HOXB3: variants seen among roughly 807,000 people sequenced by gnomAD.
The protein encoded by HOXB3 is homeobox B3.
HOXB3 carries 17 observed loss-of-function variants against 29.2 expected under a neutral mutation model. The ratio of observed to expected loss-of-function variants is 0.58; its 90% CI spans 0.40 to 0.87. The LOEUF is 0.87. Among genes scored for constraint, HOXB3 ranks in the 40% least tolerant of loss-of-function variants. The pLI, the probability that HOXB3 is intolerant of heterozygous loss-of-function variation, is 0.00. For synonymous variants in HOXB3, 317 were observed against 285.9 expected, an observed-to-expected ratio of 1.11 and a Z score of -1.10; for missense variants, 637 against 616.3, an observed-to-expected ratio of 1.03 and a Z score of -0.35.
intron 1 of HOXB3, chr17:48,579,578 GT>G (rs1420248879): frequency 5.2e-5 from 8 of 152,944 alleles, no homozygotes; most frequent in African/African-American, 1.9e-4. Flanking sequence ...AAATGGGTGC[GT>G]TTGGGACGAG....
At chr17:48,565,851 T>C (rs1231235238) in intron 2 of HOXB3, among the ~76,000 whole-genome samples, 2 of 152,158 alleles carry the variant, frequency 1.3e-5, no homozygotes, top group Non-Finnish European at 2.9e-5. Context: ...TTGTTTCCAC[T>C]CTCCCTGTCA....
chr17:48,568,134 C>G lies in HOXB3; in HGVS notation c.-247+5703G>C, dbSNP rs2069449665. Among the ~76,000 whole-genome samples, 5 of 152,168 alleles carry G rather than the reference C, an allele frequency of 3.3e-5. No individual in the cohort carries two copies. The South Asian group carries it at 1.0e-3, about 32-fold the overall frequency. On this transcript the variant is annotated intron_variant, in intron 2 of 4. Transcript: ENST00000498678. ...CTCCAGTAATTTCTTTCTCCACTTC[C>G]ACCTCTCTTACTCTAAGGCTCCTTC... is the stretch of plus-strand genomic sequence containing the variant.
chr17:48,587,617 C>T (rs62064564), intron 1 of HOXB3, among the ~76,000 whole-genome samples: 14,598 of 152,222 alleles, frequency 0.096, 919 homozygotes, highest in Non-Finnish European at 0.14. Flanking sequence ...TCCCATTCTG[C>T]TCACCAGCCC....
rs753093681 is a variant in HOXB3 at position 48,577,059 on chromosome 17, ATTGCC to A, written c.-424-3050_-424-3046del. 5.9e-6 allele frequency: 9 copies of A among 1,517,978 alleles called. No individual in the cohort carries two copies. The South Asian group carries it at 1.0e-4, about 17-fold the overall frequency. 94.0% of individuals were successfully genotyped at this position (1,517,978 alleles called of 1,614,324 possible). ...GAGAGAGGGAGAAAGAGAAAGTTTTATTGCCCCCGAAAGAGAGAGTCCTTTCTTCC... is the reference window on the plus strand; with the variant it reads ...GAGAGAGGGAGAAAGAGAAAGTTTTACCCGAAAGAGAGAGTCCTTTCTTCC... On this transcript the variant is annotated intron_variant, in intron 1 of 4. Coordinates refer to ENST00000498678, the MANE Select transcript of HOXB3 (RefSeq NM_001384749.1).
intron 1 of HOXB3, chr17:48,576,872 G>A (rs761031489): frequency 3.7e-6 from 6 of 1,614,098 alleles, no homozygotes; most frequent in Non-Finnish European, 4.2e-6. Flanking sequence ...TCTGGCGCTC[G>A]GAGAGGCAGA....
chr17:48,560,956 C>T (rs578141503), intron 2 of HOXB3, among the ~76,000 whole-genome samples: 4 of 152,186 alleles, frequency 2.6e-5, no homozygotes, highest in East Asian at 3.9e-4. Flanking sequence ...CCGAGGCAGG[C>T]GATCACCTGA....
intron 2 of HOXB3, among the ~76,000 whole-genome samples, chr17:48,563,754 T>C (rs936653844): frequency 1.4e-4 from 21 of 152,164 alleles, no homozygotes; most frequent in African/African-American, 5.1e-4. Flanking sequence ...CTCAGTGCAA[T>C]CCCTTGTAGT....
intron 4 of HOXB3, 75 bp from the exon 5 acceptor site, chr17:48,551,256 T>C: frequency 8.0e-7 from 1 of 1,243,926 alleles, no homozygotes; most frequent in Non-Finnish European, 1.0e-6. Flanking sequence ...CGAAATTGAA[T>C]GCATCGTTTC....
intron 1 of HOXB3, among the ~76,000 whole-genome samples, chr17:48,587,684 G>C (rs2070073065): frequency 6.6e-6 from 1 of 152,220 alleles, no homozygotes; most frequent in African/African-American, 2.4e-5. Context: ...CACAGTTATG[G>C]AGAGGAAGCT....
At chr17:48,577,046 AAG>A in intron 1 of HOXB3, 1 of 1,540,990 alleles carries the variant, frequency 6.5e-7, no homozygotes, top group South Asian at 1.2e-5. Context: ...GAGAGGGAGA[AAG>A]AGAAAGTTTT....
rs752483339 is a variant in HOXB3, at chr17:48,576,776, T to A, written c.-424-2762A>T. On this transcript the variant is annotated intron_variant, in intron 1 of 4. Transcript: ENST00000498678. ...GGCCAGGGGGCCCTCCGGCTGAGCC[T>A]GCCGCACCACCCGAGCGGATCTTGG... 24 of 1,613,838 alleles carry A rather than the reference T, an allele frequency of 1.5e-5. No homozygotes were observed. The South Asian group carries it at 2.5e-4, about 17-fold the overall frequency.
chr17:48,589,266 G>A (rs889265522), intron 1 of HOXB3, among the ~76,000 whole-genome samples: 8 of 152,154 alleles, frequency 5.3e-5, no homozygotes, highest in South Asian at 2.1e-4. Context: ...ATTTCCTCCC[G>A]ACAGTTGAGG....
chr17:48,573,895 C>T lies in HOXB3; in HGVS notation c.-305G>A, dbSNP rs1404434454. The T allele has an allele frequency of 2.8e-6, 2 of 701,994 alleles. No individual in the cohort carries two copies. Among genetic ancestry groups the T allele is most frequent in the Non-Finnish European group, 5.2e-6 (2 of 384,750 alleles). 43.5% of individuals were successfully genotyped at this position (701,994 alleles called of 1,614,324 possible). ...TGCAGATCCCATTCATGACGAAGGG[C>T]TTCTTCCAAACTGAGAGAAAAAAGT... On this transcript the variant is annotated 5_prime_UTR_variant, in exon 2 of 5. Transcript: ENST00000498678.
intron 1 of HOXB3, chr17:48,577,101 C>A: frequency 1.5e-6 from 2 of 1,350,982 alleles, no homozygotes; most frequent in South Asian, 1.4e-5. Flanking sequence ...GGGAACACAG[C>A]GTTTCCCTCC....
At position 48,550,259 on chromosome 17, in the gene HOXB3, C is replaced by T. The variant is rs1218253121; in HGVS notation, c.*75G>A. On this transcript the variant is annotated 3_prime_UTR_variant, in exon 5 of 5. Coordinates refer to ENST00000498678, the MANE Select transcript of HOXB3 (RefSeq NM_001384749.1). Reference sequence around the variant, plus strand: ...ACCTTCTCTGGCTCCTCTTTTCAGACCTCCAGGTTGCCCCCCAGAGCTCCA... The same window carrying T: ...ACCTTCTCTGGCTCCTCTTTTCAGATCTCCAGGTTGCCCCCCAGAGCTCCA... The T allele has an allele frequency of 1.1e-5, 18 of 1,590,882 alleles. No individual in the cohort carries two copies. Among genetic ancestry groups the T allele is most frequent in the Admixed American group, 3.4e-5 (2 of 58,570 alleles).
Position 48,552,575 on chromosome 17 carries a change from C to A in HOXB3, c.-101G>T, listed in dbSNP as rs1477851450. The A allele has an allele frequency of 1.3e-5, 10 of 793,884 alleles. No homozygotes were observed. The highest frequency in any genetic ancestry group is 9.8e-5 in the Admixed American group (3 of 30,512). 49.2% of individuals were successfully genotyped at this position (793,884 alleles called of 1,614,324 possible). On this transcript the variant is annotated 5_prime_UTR_variant, in exon 4 of 5. Coordinates refer to ENST00000498678, the MANE Select transcript of HOXB3 (RefSeq NM_001384749.1). ...GGGGGTCACGTGACACGCCGGACCC[C>A]CCCCCCCCACCTCCCCTCTCTGCCC... is the stretch of plus-strand genomic sequence containing the variant.
intron 1 of HOXB3, among the ~76,000 whole-genome samples, chr17:48,586,217 C>T (rs554212283): frequency 6.6e-6 from 1 of 152,332 alleles, no homozygotes; most frequent in South Asian, 2.1e-4. Flanking sequence ...GCCTAAATCA[C>T]TGAGAAAAGG....
intron 1 of HOXB3, chr17:48,579,688 TA>T: frequency 4.4e-6 from 1 of 229,226 alleles, no homozygotes; most frequent in East Asian, 1.7e-4. Flanking sequence ...AGAGTTCAGG[TA>T]GATGATTTCT....
At chr17:48,579,817 T>TA (rs1491040567) in intron 1 of HOXB3, 6 of 459,706 alleles carry the variant, frequency 1.3e-5, no homozygotes, top group Admixed American at 1.0e-4. Flanking sequence ...TATATATATA[T>TA]TTTTTTCTTC....
Sources: allele counts gnomAD v4.1 joint callset (sites outside exome capture counted in the v4.1 genomes callset), GRCh38; gene constraint gnomAD v4.1.1; transcripts MANE v1.5; gene names NCBI Gene and HGNC (gene_info 2026-07-23, HGNC 2026-07-21).